SLC4A4: variants seen among roughly 807,000 people sequenced by gnomAD.
SLC4A4 encodes solute carrier family 4 member 4, also known as electrogenic sodium bicarbonate cotransporter 1.
A neutral mutation model predicts 111.5 loss-of-function variants in SLC4A4; 27 were observed. That is an observed-to-expected ratio of 0.24 (90% confidence interval 0.18 to 0.33). The LOEUF (loss-of-function observed/expected upper bound fraction) is 0.33, where lower values mean the gene tolerates loss of function less well. Among genes scored for constraint, SLC4A4 ranks in the 10% least tolerant of loss-of-function variants. The pLI, the probability that SLC4A4 is intolerant of heterozygous loss-of-function variation, is 1.00. For synonymous variants in SLC4A4, 443 were observed against 463.4 expected, an observed-to-expected ratio of 0.96 and a Z score of 0.57; for missense variants, 909 against 1,315.5, an observed-to-expected ratio of 0.69 and a Z score of 4.78.
At chr4:71,344,431 TC>T (rs796754351) in intron 4 of SLC4A4, among the ~76,000 whole-genome samples, 17 of 152,126 alleles carry the variant, frequency 1.1e-4, no homozygotes, top group African/African-American at 3.9e-4. Context: ...GATAGTTTTT[TC>T]CCCCCATTAA....
At chr4:71,529,746 C>A (rs924367957) in intron 16 of SLC4A4, among the ~76,000 whole-genome samples, 10 of 152,150 alleles carry the variant, frequency 6.6e-5, no homozygotes, top group Non-Finnish European at 1.2e-4. Context: ...AGGAGGAAAG[C>A]TATCTGCCTT....
rs540696794 is a variant in SLC4A4, at chr4:71,442,633, T to A, written c.965+1860T>A. ...AGGACTGCATGTACATTTCATGATA[T>A]GTTTTAATGTGCATGCTACTCTATC... On this transcript the variant is annotated intron_variant, in intron 8 of 25. Transcript: ENST00000264485. Among the ~76,000 whole-genome samples the A allele has an allele frequency of 2.6e-5, 4 of 152,324 alleles. 1 individual carries two copies. In the South Asian group the frequency reaches 8.3e-4, roughly 32 times the overall value.
intron 7 of SLC4A4, among the ~76,000 whole-genome samples, chr4:71,408,321 A>C (rs1468874304): frequency 6.6e-6 from 1 of 152,224 alleles, no homozygotes; most frequent in Non-Finnish European, 1.5e-5. Flanking sequence ...ATTATACTTC[A>C]GTCTGAACTG....
intron 3 of SLC4A4, among the ~76,000 whole-genome samples, chr4:71,299,544 A>T (rs896419271): frequency 1.2e-4 from 18 of 152,168 alleles, no homozygotes; most frequent in Admixed American, 1.2e-3. Context: ...GGCTCTCAGG[A>T]TGATCAGAGA....
intron 2 of SLC4A4, among the ~76,000 whole-genome samples, chr4:71,179,534 A>T (rs1215704239): frequency 2.0e-5 from 3 of 149,466 alleles, no homozygotes; most frequent in Admixed American, 1.3e-4. Context: ...AATGTGCAAA[A>T]ATCACAAGCA....
At chr4:71,396,082 GA>G (rs1475828018) in intron 6 of SLC4A4, among the ~76,000 whole-genome samples, 1 of 152,136 alleles carries the variant, frequency 6.6e-6, no homozygotes, top group Non-Finnish European at 1.5e-5. Context: ...GTATTGAGTG[GA>G]CACTAGAAAT....
chr4:71,534,785 G>T (rs1305456991), intron 18 of SLC4A4, among the ~76,000 whole-genome samples: 3 of 152,098 alleles, frequency 2.0e-5, no homozygotes, highest in Non-Finnish European at 4.4e-5. Flanking sequence ...TATTCTTAAA[G>T]ATTATTCAGA....
rs1721372393 is a variant in SLC4A4, at chr4:71,255,375, A to T, written c.229A>T (p.Ser77Cys). The change falls in exon 3 of 26, where the codon AGC becomes TGC. Residue 77 changes from serine (S) to cysteine (C), a missense_variant. By Grantham distance (112) the Ser-to-Cys change is moderately radical (BLOSUM62 -1). This residue lies in a region of SLC4A4 where 117 missense variants were observed against 154.2 expected (regional missense o/e 0.76). Coordinates refer to ENST00000264485, the MANE Select transcript of SLC4A4 (RefSeq NM_001098484.3). ...KSDIENADESSSSILKPLISP... is the reference protein window; with the variant it reads ...KSDIENADESCSSILKPLISP... The stretch of plus-strand genomic sequence containing the variant: ...AGATATTGAAAATGCTGATGAATCC[A>T]GCAGCAGCATCCTAAAACCTCTCAG... 2.5e-6 allele frequency: 4 copies of T among 1,613,572 alleles called. No homozygotes were observed. Among genetic ancestry groups the T allele is most frequent in the Non-Finnish European group, 3.4e-6 (4 of 1,179,564 alleles).
intron 1 of SLC4A4, among the ~76,000 whole-genome samples, chr4:71,066,142 A>G (rs1047303669): frequency 6.6e-6 from 1 of 152,190 alleles, no homozygotes; most frequent in Non-Finnish European, 1.5e-5. Flanking sequence ...AGATGTTAAT[A>G]TTTAATCTTT....
At chr4:71,403,529 G>A (rs1253084888) in intron 7 of SLC4A4, among the ~76,000 whole-genome samples, 1 of 152,136 alleles carries the variant, frequency 6.6e-6, no homozygotes, top group African/African-American at 2.4e-5. Context: ...ACTATTTTAG[G>A]TAAGAGGGTT....
chr4:71,283,184 C>A (rs1051062580), intron 3 of SLC4A4, among the ~76,000 whole-genome samples: 4 of 152,196 alleles, frequency 2.6e-5, no homozygotes, highest in Non-Finnish European at 5.9e-5. Flanking sequence ...TTTGGAACAT[C>A]ATTGAAACCT....
At chr4:71,188,413 T>C (rs1745588754) in intron 1 of SLC4A4, among the ~76,000 whole-genome samples, 1 of 152,178 alleles carries the variant, frequency 6.6e-6, no homozygotes. Context: ...AGCGACCCCT[T>C]TGGCTTACCC....
intron 3 of SLC4A4, among the ~76,000 whole-genome samples, chr4:71,334,874 T>C (rs1037015694): frequency 1.3e-5 from 2 of 152,206 alleles, no homozygotes; most frequent in African/African-American, 4.8e-5. Flanking sequence ...AGCAGGGATA[T>C]GTAGTATCTA....
At chr4:71,317,292 G>A (rs904030886) in intron 3 of SLC4A4, among the ~76,000 whole-genome samples, 2 of 151,998 alleles carry the variant, frequency 1.3e-5, no homozygotes, top group South Asian at 2.1e-4. Context: ...TTCTGCCTGC[G>A]TGTGTTTATA....
chr4:71,244,582 G>A (rs1326097036), intron 2 of SLC4A4, among the ~76,000 whole-genome samples: 1 of 152,074 alleles, frequency 6.6e-6, no homozygotes, highest in Non-Finnish European at 1.5e-5. Flanking sequence ...ATAAATTTAA[G>A]GTATTATCTC....
At chr4:71,546,326 T>G in intron 18 of SLC4A4, 24 bp from the exon 19 acceptor site, 1 of 1,602,284 alleles carries the variant, frequency 6.2e-7, no homozygotes, top group Non-Finnish European at 8.5e-7. Context: ...TTTCTTCACA[T>G]GGTTTTGTTA....
intron 2 of SLC4A4, among the ~76,000 whole-genome samples, chr4:71,105,344 G>A (rs1220515365): frequency 1.3e-5 from 2 of 149,220 alleles, no homozygotes; most frequent in Admixed American, 6.7e-5. Context: ...TGGCCATACT[G>A]CCCAAGGTAA....
intron 2 of SLC4A4, among the ~76,000 whole-genome samples, chr4:71,247,097 C>T (rs1391656114): frequency 2.6e-5 from 4 of 151,248 alleles, no homozygotes; most frequent in African/African-American, 9.7e-5. Context: ...TTGTTATAGC[C>T]CTATGGTATT....
intron 7 of SLC4A4, among the ~76,000 whole-genome samples, chr4:71,403,279 T>C (rs1337481606): frequency 1.3e-5 from 2 of 152,192 alleles, no homozygotes; most frequent in African/African-American, 2.4e-5. Context: ...ACCCCATCAC[T>C]GCATGCAGCT....
Sources: allele counts gnomAD v4.1 joint callset (sites outside exome capture counted in the v4.1 genomes callset), GRCh38; gene constraint gnomAD v4.1.1; regional missense constraint gnomAD v4.1.1; transcripts MANE v1.5; gene names NCBI Gene and HGNC (gene_info 2026-07-23, HGNC 2026-07-21).